JADE2: variants seen among roughly 807,000 people sequenced by gnomAD.
JADE2 encodes jade family PHD finger 2.
In JADE2, 13 loss-of-function variants were observed where a neutral mutation model predicts 85.7. The observed-to-expected ratio is 0.15, with a 90% confidence interval of 0.10 to 0.24. The LOEUF is 0.24. Among genes scored for constraint, JADE2 ranks in the 10% least tolerant of loss-of-function variants. The pLI is 1.00. For missense variants in JADE2, 846 were observed against 1,115.9 expected (o/e 0.76, Z 3.45); for synonymous variants, 440 against 456.1 (o/e 0.96, Z 0.45).
chr5:134,528,393 A>AGACGGGCTGG (rs1207024676), intron 1 of JADE2, among the ~76,000 whole-genome samples: 1 of 152,108 alleles, frequency 6.6e-6, no homozygotes, highest in Non-Finnish European at 1.5e-5. Context: ...CATCTTCCTT[A>AGACGGGCTGG]GACGGGCTGG....
At chr5:134,561,621 C>A (rs1034252064) in intron 6 of JADE2, among the ~76,000 whole-genome samples, 3 of 152,174 alleles carry the variant, frequency 2.0e-5, no homozygotes, top group African/African-American at 7.2e-5. Context: ...GATTTTGAGG[C>A]TGCCCTTATG....
intron 9 of JADE2, among the ~76,000 whole-genome samples, chr5:134,572,057 C>G (rs1357637072): frequency 2.0e-5 from 3 of 152,266 alleles, no homozygotes; most frequent in Non-Finnish European, 4.4e-5. Flanking sequence ...GGGCCCCACA[C>G]AGTGCAAGTC....
In JADE2 at chr5:134,552,096, A is replaced by G. The variant is rs1406949884; in HGVS notation, c.198A>G (p.Ser66=). 2.5e-6 allele frequency: 4 copies of G among 1,614,100 alleles called. No homozygotes were observed. Among genetic ancestry groups the G allele is most frequent in the East Asian group, 4.5e-5 (2 of 44,900 alleles). The change falls in exon 4 of 12, where the codon TCA becomes TCG. Residue 66 remains serine (S), a synonymous_variant. Transcript: ENST00000681547. The part of the protein sequence containing the change: ...DLITAMKIPD[S]YQLSPDDYYI... ...TCACAGCCATGAAGATCCCGGACTC[A>G]TACCAGCTCAGCCCGGATGACTACT...
chr5:134,536,834 C>T (rs923811334), intron 2 of JADE2: 1 of 152,254 alleles, frequency 6.6e-6, no homozygotes, highest in Non-Finnish European at 1.5e-5. Flanking sequence ...TTTCTTCACA[C>T]TTATGAGCAA....
intron 1 of JADE2, 122 bp from the exon 2 acceptor site, chr5:134,535,736 G>A (rs944298461): frequency 8.8e-6 from 7 of 795,282 alleles, no homozygotes; most frequent in Non-Finnish European, 1.5e-5. Context: ...CTAGGACAGG[G>A]CTTTATTCTT....
At chr5:134,539,217 A>ACACC (rs1376891444) in intron 3 of JADE2, among the ~76,000 whole-genome samples, 2 of 151,810 alleles carry the variant, frequency 1.3e-5, no homozygotes, top group Non-Finnish European at 2.9e-5. Flanking sequence ...GCCCGCCACC[A>ACACC]CACCCGGCTA....
chr5:134,525,049 G>C (rs1275388762), upstream of JADE2, among the ~76,000 whole-genome samples: 1 of 152,116 alleles, frequency 6.6e-6, no homozygotes, highest in Non-Finnish European at 1.5e-5. Context: ...CCCTCCGCGA[G>C]TGTCGCCTCC....
chr5:134,552,248 G>A (rs1762637290), intron 4 of JADE2, 39 bp downstream of exon 4: 1 of 1,572,580 alleles, frequency 6.4e-7, no homozygotes, highest in Admixed American at 2.0e-5. Flanking sequence ...CATTGGGACA[G>A]GGGAGGAAGG....
chr5:134,527,492 C>A (rs1760927638), intron 1 of JADE2, among the ~76,000 whole-genome samples: 1 of 152,120 alleles, frequency 6.6e-6, no homozygotes, highest in South Asian at 2.1e-4. Context: ...TACCACCCCA[C>A]CCGCCCCTGG....
intron 1 of JADE2, among the ~76,000 whole-genome samples, chr5:134,527,688 T>G (rs1760947441): frequency 1.4e-5 from 2 of 146,876 alleles, no homozygotes; most frequent in Non-Finnish European, 1.5e-5. Context: ...CCGGCGCGCC[T>G]CCAGCCTGCG....
chr5:134,541,471 G>A (rs1178058207), intron 3 of JADE2, among the ~76,000 whole-genome samples: 1 of 152,236 alleles, frequency 6.6e-6, no homozygotes, highest in Non-Finnish European at 1.5e-5. Context: ...TGCTGAGCCT[G>A]GGCCTTGGAT....
chr5:134,559,661 C>G (rs1763203348), intron 4 of JADE2, among the ~76,000 whole-genome samples, 169 bp from the exon 5 acceptor site: 1 of 152,196 alleles, frequency 6.6e-6, no homozygotes, highest in South Asian at 2.1e-4. Flanking sequence ...GCAGGGTGGG[C>G]AGATGGTGGA....
Position 134,538,102 on chromosome 5 carries a change from C to T in JADE2, c.153+19C>T. On this transcript the variant is annotated intron_variant, in intron 3 of 11. Transcript: ENST00000681547. ...CTCCGAGGTGGGTAGTGATGAGCTT[C>T]CCAGAGATCTGTGGGGAGTGAGAGT... 6.3e-7 allele frequency: 1 copy of T among 1,586,958 alleles called. No homozygotes were observed. Among genetic ancestry groups the T allele is most frequent in the Non-Finnish European group, 8.7e-7 (1 of 1,155,366 alleles).
intron 1 of JADE2, among the ~76,000 whole-genome samples, chr5:134,531,178 C>T (rs1182100200): frequency 6.6e-6 from 1 of 152,116 alleles, no homozygotes; most frequent in Non-Finnish European, 1.5e-5. Context: ...GAAGAATATT[C>T]CAAACAGAGT....
At position 134,566,013 on chromosome 5, in the gene JADE2, C is replaced by A; in HGVS notation, c.970-103C>A. The A allele has an allele frequency of 2.0e-6, 2 of 1,006,010 alleles. No homozygotes were observed. The highest frequency in any genetic ancestry group is 1.5e-6 in the Non-Finnish European group (1 of 668,394). The allele number at this position is 1,006,010 out of a possible 1,614,324, so 62.3% of individuals were successfully genotyped here. The stretch of plus-strand genomic sequence containing the variant: ...CATGCCATTCTGTTTAGGTTCTCTC[C>A]AGCATTGCGCATTCTCAGTAGAGCC... On this transcript the variant is annotated intron_variant, in intron 8 of 11. Coordinates refer to ENST00000681547, the MANE Select transcript of JADE2 (RefSeq NM_001388185.1). This position sits in a 1 kb window ranked among gnomAD's most constrained non-coding sequence, Gnocchi z 6.7.
At chr5:134,561,133 T>G (rs1307286381) in intron 6 of JADE2, among the ~76,000 whole-genome samples, 176 bp downstream of exon 6, 1 of 152,228 alleles carries the variant, frequency 6.6e-6, no homozygotes, top group Non-Finnish European at 1.5e-5. Flanking sequence ...TGGCTTAGAC[T>G]TGCTGGCCAG....
chr5:134,580,363 G>A lies in JADE2; in HGVS notation c.*1046G>A, dbSNP rs1219138545. The A allele has an allele frequency of 1.3e-5, 2 of 152,398 alleles. No individual in the cohort carries two copies. Among genetic ancestry groups the A allele is most frequent in the Non-Finnish European group, 2.9e-5 (2 of 68,028 alleles). The allele number at this position is 152,398 out of a possible 1,614,324, so 9.4% of individuals were successfully genotyped here. A position where few individuals can be genotyped will look rare whatever the true frequency, so the allele number is the denominator to read the frequency against. On this transcript the variant is annotated 3_prime_UTR_variant, in exon 12 of 12. Coordinates refer to ENST00000681547, the MANE Select transcript of JADE2 (RefSeq NM_001388185.1). ...CAGGGCGGGCCGGTGTTGGCCGCTG[G>A]GGCTGTTGTAAGTCTTGCTGGATGT...
intron 9 of JADE2, among the ~76,000 whole-genome samples, chr5:134,569,470 G>T (rs570702999): frequency 4.6e-5 from 7 of 152,240 alleles, no homozygotes; most frequent in South Asian, 4.1e-4. Context: ...GGAAGGCATG[G>T]CCACTGCAGC....
Position 134,560,976 on chromosome 5 carries a change from C to A in JADE2, c.684+19C>A. ...GCATCAGGTGGGCAGACCCCCCAGT[C>A]ACCCTCACCTGTGCCATGTATACAC... On this transcript the variant is annotated intron_variant, in intron 6 of 11. Coordinates refer to ENST00000681547, the MANE Select transcript of JADE2 (RefSeq NM_001388185.1). 1 of 1,603,192 alleles carries A rather than the reference C, an allele frequency of 6.2e-7. No homozygotes were observed. Among genetic ancestry groups the A allele is most frequent in the South Asian group, 1.1e-5 (1 of 89,698 alleles).
Sources: gnomAD v4.1 joint callset for allele counts (sites outside exome capture counted in the v4.1 genomes callset) on GRCh38, gnomAD v4.1.1 for gene constraint, Gnocchi (gnomAD v3.1) non-coding constraint, MANE v1.5 for transcripts, NCBI Gene and HGNC (gene_info 2026-07-23, HGNC 2026-07-21) for gene names.